Variants in DPH6 observed in about 807,000 individuals in gnomAD.
DPH6 encodes diphthamine biosynthesis 6, also known as diphthine--ammonia ligase.
A neutral mutation model predicts 38.2 loss-of-function variants in DPH6; 33 were observed. The observed-to-expected ratio is 0.86, with a 90% CI of 0.65 to 1.15. The LOEUF is 1.15. Among genes scored for constraint, DPH6 ranks in the 50% most tolerant of loss-of-function variants. The pLI is 0.00. For missense variants in DPH6, 325 were observed against 320.0 expected (o/e 1.02, Z -0.12); for synonymous variants, 108 against 103.0 (o/e 1.05, Z -0.30).
Position 35,372,085 on chromosome 15 carries a change from G to A in DPH6, c.*65C>T. The A allele has an allele frequency of 1.4e-6, 2 of 1,477,758 alleles. No individual in the cohort carries two copies. 91.5% of individuals were successfully genotyped at this position (1,477,758 alleles called of 1,614,324 possible). A position where few individuals can be genotyped will look rare whatever the true frequency, so the allele number is the denominator to read the frequency against. On this transcript the variant is annotated 3_prime_UTR_variant, in exon 9 of 9. Coordinates refer to ENST00000256538, the MANE Select transcript of DPH6 (RefSeq NM_080650.4). ...AAAATAAACTAGTCATAGTAACTGA[G>A]AAAATACTATGCAATTTTTTTGTAT... is the stretch of plus-strand genomic sequence containing the variant.
At chr15:35,170,688 T>C in the DPH6 span, among the ~76,000 whole-genome samples, 1 of 152,116 alleles carries the variant, frequency 6.6e-6, no homozygotes, top group Non-Finnish European at 1.5e-5. Context: ...GTAGGAAAAA[T>C]GCACTGCTTT....
intron 3 of DPH6, chr15:35,282,636 T>G (rs2051906682): frequency 2.4e-6 from 1 of 415,214 alleles, no homozygotes; most frequent in Non-Finnish European, 5.0e-6. Context: ...GGATCCAGCT[T>G]CATTCAGCAT....
chr15:35,404,240 T>C (rs1331164898), intron 6 of DPH6, among the ~76,000 whole-genome samples: 3 of 152,152 alleles, frequency 2.0e-5, no homozygotes, highest in Non-Finnish European at 2.9e-5. Flanking sequence ...TGGGTATATA[T>C]CTAGCAGTGA....
At position 35,325,090 on chromosome 15, in the gene DPH6, G is replaced by A. The variant is rs573914616; in HGVS notation, n.200+48431C>T. On this transcript the variant is annotated intron_variant and non_coding_transcript_variant, in intron 3 of 3. Coordinates refer to the DPH6 transcript ENST00000560386. ...TTGATTTCTCTTTTTTGGATTTGAA[G>A]GTTCCTTAGCATCACATGTGATTAA... 2.3e-4 allele frequency among the ~76,000 whole-genome samples: 35 copies of A among 152,172 alleles called. No individual in the cohort carries two copies. In the East Asian group the frequency reaches 5.6e-3, roughly 24 times the overall value.
At position 35,371,760 on chromosome 15, in the gene DPH6, T is replaced by C; in HGVS notation, c.*390A>G. 4 of 989,184 alleles carry C rather than the reference T, an allele frequency of 4.0e-6. No homozygotes were observed. The highest frequency in any genetic ancestry group is 4.8e-6 in the Non-Finnish European group (4 of 832,688). 61.3% of individuals were successfully genotyped at this position (989,184 alleles called of 1,614,324 possible). A position where few individuals can be genotyped will look rare whatever the true frequency, so the allele number is the denominator to read the frequency against. ...TAAATAAAGTGACCATCTTTTCATC[T>C]TCATTTTCAAATGCCTCTGCATCAT... On this transcript the variant is annotated 3_prime_UTR_variant, in exon 9 of 9. Coordinates refer to ENST00000256538, the MANE Select transcript of DPH6 (RefSeq NM_080650.4).
intron 3 of DPH6, chr15:35,298,324 A>G: frequency 1.6e-6 from 1 of 617,536 alleles, no homozygotes; most frequent in Admixed American, 1.8e-5. Context: ...TGTCCACCAA[A>G]ATACCTCCCA....
chr15:35,208,214 C>T, the DPH6 span, among the ~76,000 whole-genome samples: 81 of 152,104 alleles, frequency 5.3e-4, 1 homozygote, highest in Admixed American at 1.7e-3. Flanking sequence ...GAGGTGGTGG[C>T]GGGGGAGATT....
intron 3 of DPH6, among the ~76,000 whole-genome samples, chr15:35,510,038 C>T (rs900903733): frequency 1.3e-5 from 2 of 151,996 alleles, no homozygotes; most frequent in African/African-American, 2.4e-5. Context: ...CAACATAGCA[C>T]GACCCTGTCT....
intron 5 of DPH6, among the ~76,000 whole-genome samples, chr15:35,437,031 T>C (rs911886869): frequency 9.2e-5 from 14 of 151,606 alleles, no homozygotes; most frequent in Admixed American, 4.6e-4. Context: ...TAACAGCAGA[T>C]AATCCCACTC....
chr15:35,536,445 T>C (rs1357071365), intron 3 of DPH6, among the ~76,000 whole-genome samples: 1 of 152,040 alleles, frequency 6.6e-6, no homozygotes, highest in Non-Finnish European at 1.5e-5. Context: ...AATTTAACAT[T>C]AGCATTAATT....
intron 3 of DPH6, among the ~76,000 whole-genome samples, chr15:35,361,458 T>C (rs1380058544): frequency 6.6e-6 from 1 of 152,164 alleles, no homozygotes; most frequent in Non-Finnish European, 1.5e-5. Flanking sequence ...AATTTGGATA[T>C]CTACATCATT....
intron 3 of DPH6, among the ~76,000 whole-genome samples, chr15:35,268,039 A>C (rs1390752433): frequency 6.6e-6 from 1 of 151,900 alleles, no homozygotes; most frequent in Non-Finnish European, 1.5e-5. Context: ...GCGTGGTGGC[A>C]GGCGCCTGTA....
intron 3 of DPH6, among the ~76,000 whole-genome samples, chr15:35,287,858 C>T (rs542992196): frequency 3.9e-4 from 60 of 152,178 alleles, no homozygotes; most frequent in Middle Eastern, 6.8e-3. Context: ...TGTCTTTGTG[C>T]AGTAGAAGCA....
intron 3 of DPH6, among the ~76,000 whole-genome samples, chr15:35,455,572 G>C (rs1314560595): frequency 6.6e-6 from 1 of 152,184 alleles, no homozygotes; most frequent in African/African-American, 2.4e-5. Flanking sequence ...TACATGGATG[G>C]ATTATGGACA....
At chr15:35,369,301 T>C (rs1389186557), downstream of DPH6, among the ~76,000 whole-genome samples, 7 of 151,610 alleles carry the variant, frequency 4.6e-5, no homozygotes, top group Admixed American at 6.6e-5. Flanking sequence ...ATTTTAAGAG[T>C]GGTATTCAGG....
intron 7 of DPH6, among the ~76,000 whole-genome samples, chr15:35,374,439 C>A (rs1335011855): frequency 6.6e-6 from 1 of 151,834 alleles, no homozygotes; most frequent in African/African-American, 2.4e-5. Context: ...GACATTTTGT[C>A]GCTAATGTAA....
chr15:35,301,634 T>G (rs1595467895), intron 3 of DPH6, among the ~76,000 whole-genome samples: 1 of 152,136 alleles, frequency 6.6e-6, no homozygotes, highest in African/African-American at 2.4e-5. Flanking sequence ...AGACATATCA[T>G]CTATACATTA....
intron 6 of DPH6, among the ~76,000 whole-genome samples, chr15:35,404,472 T>C (rs1329257366): frequency 6.6e-6 from 1 of 152,200 alleles, no homozygotes; most frequent in Non-Finnish European, 1.5e-5. Flanking sequence ...TCTCTGGTGA[T>C]CAATGATGTT....
rs534397650 is a variant in DPH6 at position 35,349,017 on chromosome 15, G to A, written n.208-17940C>T. Among the ~76,000 whole-genome samples the A allele has an allele frequency of 1.2e-4, 18 of 152,132 alleles. No individual in the cohort carries two copies. In the South Asian group the frequency reaches 2.1e-3, roughly 18 times the overall value. On this transcript the variant is annotated intron_variant and non_coding_transcript_variant, in intron 3 of 3. Transcript: ENST00000558973. ...GTCAATTTTGTATCCTGAAATTTAC[G>A]AATTCATTTACTAGTTTTAACAGTT...
Sources: gnomAD v4.1 joint callset for allele counts (sites outside exome capture counted in the v4.1 genomes callset) on GRCh38, gnomAD v4.1.1 for gene constraint, MANE v1.5 for transcripts, NCBI Gene and HGNC (gene_info 2026-07-23, HGNC 2026-07-21) for gene names.